The following TOPAZ1 variants were observed in gnomAD, a reference collection of about 807,000 sequenced individuals.
TOPAZ1 encodes protein TOPAZ1.
In TOPAZ1, 66 loss-of-function variants were observed where a neutral mutation model predicts 172.2. The ratio of observed to expected loss-of-function variants is 0.38; its 90% CI spans 0.31 to 0.47. TOPAZ1 has a LOEUF of 0.47. TOPAZ1 is among the 20% of genes least tolerant of loss of function. TOPAZ1 has a pLI of 0.99. For missense variants in TOPAZ1, 1,822 were observed against 1,972.4 expected, an observed-to-expected ratio of 0.92 and a Z score of 1.44; for synonymous variants, 681 against 683.9, an observed-to-expected ratio of 1.00 and a Z score of 0.07.
downstream of TOPAZ1, among the ~76,000 whole-genome samples, chr3:44,336,513 C>T (rs771351382): frequency 7.9e-5 from 12 of 152,282 alleles, no homozygotes; most frequent in Admixed American, 4.6e-4. Context: ...AAGACAGGGC[C>T]GTGGATGGCT....
At chr3:44,253,562 G>A (rs557199382) in intron 2 of TOPAZ1, among the ~76,000 whole-genome samples, 5 of 152,162 alleles carry the variant, frequency 3.3e-5, no homozygotes, top group Non-Finnish European at 2.9e-5. Context: ...AGCTGTATTG[G>A]GGAGGTGAAA....
chr3:44,280,778 C>T (rs1700014599), intron 8 of TOPAZ1, among the ~76,000 whole-genome samples: 2 of 152,218 alleles, frequency 1.3e-5, no homozygotes, highest in African/African-American at 4.8e-5. Flanking sequence ...CTGCCATTGG[C>T]TCCCACCTTA....
chr3:44,290,138 C>A (rs1700120717), intron 11 of TOPAZ1, among the ~76,000 whole-genome samples: 1 of 152,098 alleles, frequency 6.6e-6, no homozygotes, highest in African/African-American at 2.4e-5. Flanking sequence ...TGTATCTTCC[C>A]ACGTTTCCAG....
At chr3:44,334,826 T>G (rs1700706099), downstream of TOPAZ1, among the ~76,000 whole-genome samples, 1 of 152,146 alleles carries the variant, frequency 6.6e-6, no homozygotes, top group South Asian at 2.1e-4. Flanking sequence ...CAGCACAGAC[T>G]CCTCCTTATT....
chr3:44,290,723 C>G, intron 11 of TOPAZ1, 48 bp from the exon 12 acceptor site: 1 of 1,222,818 alleles, frequency 8.2e-7, no homozygotes, highest in South Asian at 1.4e-5. Context: ...CTCCTCAATT[C>G]TGTCACATTT....
intron 7 of TOPAZ1, 43 bp downstream of exon 7, chr3:44,269,344 C>A: frequency 8.8e-7 from 1 of 1,137,324 alleles, no homozygotes. Context: ...TCTCTTTCTC[C>A]TCCCCCTCCT....
intron 16 of TOPAZ1, 115 bp from the exon 17 acceptor site, chr3:44,320,912 A>T: frequency 1.6e-6 from 1 of 644,304 alleles, no homozygotes; most frequent in African/African-American, 1.9e-5. Context: ...CTCTGAGTAC[A>T]TATGTTTAAG....
Position 44,267,072 on chromosome 3 carries a change from A to G in TOPAZ1, c.3096A>G (p.Leu1032=). 3.2e-6 allele frequency: 5 copies of G among 1,549,546 alleles called. No individual in the cohort carries two copies. Among genetic ancestry groups the G allele is most frequent in the Non-Finnish European group, 4.4e-6 (5 of 1,145,996 alleles). ...TACCAGTCCCGAAACCTCTGTGTTT[A>G]TTAGTACCTCCTTTGAATCTAAGTG... is the stretch of plus-strand genomic sequence containing the variant. ...FAVPVPKPLC[L]LVPPLNLSGR... The change falls in exon 6 of 20, where the codon TTA becomes TTG. Residue 1032 remains leucine, a synonymous_variant. Coordinates refer to ENST00000309765, the MANE Select transcript of TOPAZ1 (RefSeq NM_001145030.2).
At chr3:44,282,144 A>G in intron 9 of TOPAZ1, 113 bp downstream of exon 9, 1 of 655,048 alleles carries the variant, frequency 1.5e-6, no homozygotes, top group Non-Finnish European at 2.6e-6. Context: ...ACCCAAGAGT[A>G]GCTCTGTTGG....
At chr3:44,257,633 T>C (rs1279642091) in intron 4 of TOPAZ1, among the ~76,000 whole-genome samples, 1 of 151,412 alleles carries the variant, frequency 6.6e-6, no homozygotes, top group African/African-American at 2.4e-5. Flanking sequence ...ACTAGTGTAC[T>C]TTTTTTTAAC....
At chr3:44,318,741 C>A (rs1700478454) in intron 16 of TOPAZ1, among the ~76,000 whole-genome samples, 1 of 149,606 alleles carries the variant, frequency 6.7e-6, no homozygotes, top group African/African-American at 2.5e-5. Flanking sequence ...TCTCCATTAT[C>A]CCTGCCCCAT....
intron 15 of TOPAZ1, among the ~76,000 whole-genome samples, chr3:44,307,267 C>G (rs890010266): frequency 6.6e-6 from 1 of 152,158 alleles, no homozygotes; most frequent in Admixed American, 6.5e-5. Context: ...GTTGATCCAC[C>G]CGCCTCAGCC....
rs1399697655 is a variant in TOPAZ1, at chr3:44,244,602, G to C, written c.2096G>C (p.Arg699Thr). The C allele has an allele frequency of 1.3e-6, 2 of 1,550,544 alleles. No homozygotes were observed. Among genetic ancestry groups the C allele is most frequent in the East Asian group, 4.9e-5 (2 of 40,898 alleles). ...IPLLKNKSEK[R>T]KEVNAKSSER... ...TTACTTAAGAATAAATCAGAAAAAA[G>C]AAAAGAAGTAAATGCCAAGTCATCA... is the stretch of plus-strand genomic sequence containing the variant. The change falls in exon 2 of 20, where the codon AGA becomes ACA. Residue 699 changes from arginine to threonine, a missense_variant. Physicochemically the swap from Arg to Thr is moderately conservative, Grantham distance 71. Transcript: ENST00000309765.
At chr3:44,245,638 C>G (rs1366153399) in intron 2 of TOPAZ1, among the ~76,000 whole-genome samples, 3 of 149,550 alleles carry the variant, frequency 2.0e-5, no homozygotes, top group Non-Finnish European at 4.4e-5. Flanking sequence ...CCAGGTTCAC[C>G]CCATTCTCCT....
intron 12 of TOPAZ1, among the ~76,000 whole-genome samples, chr3:44,292,150 TC>T (rs1243956369): frequency 6.6e-6 from 1 of 152,230 alleles, no homozygotes; most frequent in Non-Finnish European, 1.5e-5. Context: ...TTCCCTTCAA[TC>T]ACTAACATTG....
At chr3:44,269,172 G>T in intron 6 of TOPAZ1, 44 bp from the exon 7 acceptor site, 1 of 1,049,062 alleles carries the variant, frequency 9.5e-7, no homozygotes, top group Non-Finnish European at 1.4e-6. Context: ...AAGAAAATAA[G>T]TTGTAACATA....
chr3:44,250,408 G>A (rs1359440690), intron 2 of TOPAZ1, among the ~76,000 whole-genome samples: 1 of 151,646 alleles, frequency 6.6e-6, no homozygotes, highest in Non-Finnish European at 1.5e-5. Flanking sequence ...TATTAAATTT[G>A]TATAAAAATT....
At chr3:44,332,724 C>T (rs1331186459), downstream of TOPAZ1, among the ~76,000 whole-genome samples, 4 of 151,826 alleles carry the variant, frequency 2.6e-5, no homozygotes, top group Admixed American at 1.3e-4. Flanking sequence ...TACTTTAAAC[C>T]GTAATTTAAA....
chr3:44,255,962 TATATA>T (rs1051450427), intron 3 of TOPAZ1, among the ~76,000 whole-genome samples, 184 bp from the exon 4 acceptor site: 17 of 151,866 alleles, frequency 1.1e-4, no homozygotes, highest in African/African-American at 2.7e-4. Flanking sequence ...TGTTTCTTTT[TATATA>T]ATATAATGGA....
Sources: gnomAD v4.1 joint callset for allele counts (sites outside exome capture counted in the v4.1 genomes callset) on GRCh38, gnomAD v4.1.1 for gene constraint, MANE v1.5 for transcripts, NCBI Gene and HGNC (gene_info 2026-07-23, HGNC 2026-07-21) for gene names.